Variants in SEC24B observed in about 807,000 individuals in gnomAD.
SEC24B encodes SEC24 homolog B, COPII component, also known as protein transport protein Sec24B.
Under a neutral mutation model 142.8 loss-of-function variants are expected in SEC24B, and 45 were observed. The ratio of observed to expected loss-of-function variants is 0.32; its 90% confidence interval spans 0.25 to 0.40. The LOEUF (loss-of-function observed/expected upper bound fraction) is 0.40, where lower values mean the gene tolerates loss of function less well. Among genes scored for constraint, SEC24B ranks in the 10% least tolerant of loss-of-function variants. SEC24B has a pLI of 1.00. For synonymous variants in SEC24B, 574 were observed against 568.2 expected, an observed-to-expected ratio of 1.01 and a Z score of -0.15; for missense variants, 1,409 against 1,526.8, an observed-to-expected ratio of 0.92 and a Z score of 1.29.
chr4:109,511,391 A>G (rs1737315107), intron 8 of SEC24B, among the ~76,000 whole-genome samples: 1 of 151,978 alleles, frequency 6.6e-6, no homozygotes, highest in South Asian at 2.1e-4. Context: ...AAAAAACAGA[A>G]TGATATACTA....
chr4:109,532,256 T>A (rs2126097480), intron 20 of SEC24B, among the ~76,000 whole-genome samples: 1 of 152,320 alleles, frequency 6.6e-6, no homozygotes, highest in South Asian at 2.1e-4. Flanking sequence ...ATGTAGTGTC[T>A]TTTATCTTCC....
chr4:109,439,054 T>G (rs1728670346), intron 1 of SEC24B, among the ~76,000 whole-genome samples: 1 of 152,216 alleles, frequency 6.6e-6, no homozygotes, highest in Non-Finnish European at 1.5e-5. Flanking sequence ...TTAATTTTAC[T>G]TTTAGGAAGC....
chr4:109,442,991 T>C (rs568319507), intron 1 of SEC24B, among the ~76,000 whole-genome samples: 29 of 152,334 alleles, frequency 1.9e-4, no homozygotes, highest in Non-Finnish European at 4.0e-4. Context: ...TTATTTTCCT[T>C]GAAGTTTCTC....
At chr4:109,481,403 T>C (rs1250455472) in intron 3 of SEC24B, among the ~76,000 whole-genome samples, 1 of 152,234 alleles carries the variant, frequency 6.6e-6, no homozygotes, top group African/African-American at 2.4e-5. Flanking sequence ...GACAATATTA[T>C]TGCAGCTTCC....
At chr4:109,509,223 T>C (rs1456941570) in intron 7 of SEC24B, among the ~76,000 whole-genome samples, 2 of 152,166 alleles carry the variant, frequency 1.3e-5, no homozygotes, top group African/African-American at 4.8e-5. Context: ...AACAAGCTTT[T>C]TGTGTTCAAG....
chr4:109,435,829 G>T (rs1728360080), intron 1 of SEC24B, among the ~76,000 whole-genome samples: 1 of 152,272 alleles, frequency 6.6e-6, no homozygotes, highest in African/African-American at 2.4e-5. Flanking sequence ...GACTTGCCCT[G>T]TATTTGGTAA....
intron 4 of SEC24B, 129 bp downstream of exon 4, chr4:109,481,910 A>G: frequency 1.7e-6 from 1 of 595,234 alleles, no homozygotes; most frequent in East Asian, 2.6e-5. Context: ...CGAGGTTTGC[A>G]TTATAGAAGA....
chr4:109,466,613 T>C (rs921820074), intron 2 of SEC24B, among the ~76,000 whole-genome samples: 1 of 152,190 alleles, frequency 6.6e-6, no homozygotes, highest in Non-Finnish European at 1.5e-5. Context: ...GGTTTCACCA[T>C]GTTGGCCAGG....
intron 3 of SEC24B, among the ~76,000 whole-genome samples, chr4:109,480,361 C>T (rs2125981324): frequency 6.6e-6 from 1 of 151,948 alleles, no homozygotes; most frequent in Admixed American, 6.6e-5. Context: ...AGGAAATGTT[C>T]TTAAAAATCC....
Position 109,513,870 on chromosome 4 carries a change from GTTAAGAT to G in SEC24B, c.2013+17_2013+23del, listed in dbSNP as rs747700846. The G allele has an allele frequency of 6.9e-7, 1 of 1,450,844 alleles. No individual in the cohort carries two copies. The highest frequency in any genetic ancestry group is 1.7e-5 in the Admixed American group (1 of 59,638). 89.9% of individuals were successfully genotyped at this position (1,450,844 alleles called of 1,614,324 possible). A position where few individuals can be genotyped will look rare whatever the true frequency, so the allele number is the denominator to read the frequency against. The stretch of plus-strand genomic sequence containing the variant: ...TCAGATTACATGGTAACTATTCAGT[GTTAAGAT>G]TTGTTATGGAACACAATTACATTGG... On this transcript the variant is annotated intron_variant, in intron 10 of 23. Transcript: ENST00000265175.
At chr4:109,489,463 G>T (rs1363178869) in intron 4 of SEC24B, among the ~76,000 whole-genome samples, 2 of 146,762 alleles carry the variant, frequency 1.4e-5, no homozygotes, top group Non-Finnish European at 3.0e-5. Context: ...CATGTACAGT[G>T]TTGTGCAGTC....
chr4:109,458,722 A>T (rs1730954382), intron 1 of SEC24B, among the ~76,000 whole-genome samples: 1 of 152,192 alleles, frequency 6.6e-6, no homozygotes, highest in Non-Finnish European at 1.5e-5. Context: ...ACTTTTGCTT[A>T]ACTAAATTAT....
intron 2 of SEC24B, among the ~76,000 whole-genome samples, chr4:109,466,605 T>C (rs1731910752): frequency 6.6e-6 from 1 of 152,126 alleles, no homozygotes; most frequent in Non-Finnish European, 1.5e-5. Flanking sequence ...AGAGACAGGG[T>C]TTCACCATGT....
chr4:109,489,012 C>G (rs1734698068), intron 4 of SEC24B, among the ~76,000 whole-genome samples: 1 of 152,072 alleles, frequency 6.6e-6, no homozygotes, highest in South Asian at 2.1e-4. Flanking sequence ...AACCCCTTAT[C>G]AGATATATGA....
chr4:109,533,765 T>A, intron 22 of SEC24B, 80 bp downstream of exon 22: 1 of 879,912 alleles, frequency 1.1e-6, no homozygotes, highest in Non-Finnish European at 1.9e-6. Flanking sequence ...ATATTCACCA[T>A]TTTAAAATGT....
intron 3 of SEC24B, among the ~76,000 whole-genome samples, chr4:109,480,626 G>A (rs1246854886): frequency 1.3e-5 from 2 of 152,002 alleles, no homozygotes; most frequent in South Asian, 2.1e-4. Flanking sequence ...GACTACAGGC[G>A]TGCGCCACCA....
intron 10 of SEC24B, among the ~76,000 whole-genome samples, chr4:109,515,131 C>T (rs916399053): frequency 1.8e-4 from 28 of 152,152 alleles, no homozygotes; most frequent in African/African-American, 5.1e-4. Flanking sequence ...GATGGAGTCA[C>T]GCTCTGTCAT....
At chr4:109,439,020 G>A (rs1376158267) in intron 1 of SEC24B, among the ~76,000 whole-genome samples, 1 of 152,176 alleles carries the variant, frequency 6.6e-6, no homozygotes, top group African/African-American at 2.4e-5. Flanking sequence ...GGGGCAGTCA[G>A]ATTTAATAAT....
intron 18 of SEC24B, among the ~76,000 whole-genome samples, chr4:109,529,463 T>C (rs1424289276): frequency 1.3e-5 from 2 of 152,172 alleles, no homozygotes; most frequent in Non-Finnish European, 2.9e-5. Flanking sequence ...TTTAATAGAA[T>C]ATATTATTGT....
Sources: gnomAD v4.1 joint callset for allele counts (sites outside exome capture counted in the v4.1 genomes callset) on GRCh38, gnomAD v4.1.1 for gene constraint, MANE v1.5 for transcripts, NCBI Gene and HGNC (gene_info 2026-07-23, HGNC 2026-07-21) for gene names.